The following COL16A1 variants were observed in gnomAD, a reference collection of about 807,000 sequenced individuals.
The protein encoded by COL16A1 is collagen type XVI alpha 1 chain, also known as collagen alpha-1(XVI) chain.
In COL16A1, 189 loss-of-function variants were observed where a neutral mutation model predicts 266.3. The ratio of observed to expected loss-of-function variants is 0.71; its 90% CI spans 0.63 to 0.80. The LOEUF is 0.80. Ranked by LOEUF, COL16A1 falls within the 30% of genes least tolerant of loss-of-function variation. The probability of loss-of-function intolerance (pLI) is 0.00; values close to 1 mark genes in which losing one functional copy is unlikely to be tolerated. For missense variants in COL16A1, 1,928 were observed against 2,122.4 expected, an observed-to-expected ratio of 0.91 and a Z score of 1.80; for synonymous variants, 740 against 782.3, an observed-to-expected ratio of 0.95 and a Z score of 0.90.
Position 31,665,885 on chromosome 1 carries a change from G to A in COL16A1, c.3453C>T (p.Asp1151=), listed in dbSNP as rs1196431197. 1 of 1,614,122 alleles carries A rather than the reference G, an allele frequency of 6.2e-7. No individual in the cohort carries two copies. Among genetic ancestry groups the A allele is most frequent in the Non-Finnish European group, 8.5e-7 (1 of 1,179,992 alleles). Residue 1151 remains aspartate, a synonymous_variant, in exon 54 of 71, where the codon GAC becomes GAT. Coordinates refer to ENST00000373672, the MANE Select transcript of COL16A1 (RefSeq NM_001856.4). ...GPQGNSGEKG[D]QGFQGQPGFP... ...CCAGGTCCCAGTCGTCACTCACCTGGTCGCCCTTCTCACCGGAGTTACCTT... is the reference window on the plus strand; with the variant it reads ...CCAGGTCCCAGTCGTCACTCACCTGATCGCCCTTCTCACCGGAGTTACCTT...
chr1:31,695,250 A>C, intron 10 of COL16A1, 29 bp from the exon 11 acceptor site: 1 of 1,613,236 alleles, frequency 6.2e-7, no homozygotes, highest in Non-Finnish European at 8.5e-7. Flanking sequence ...CGAAGAGGTC[A>C]ATTCTGAGCC....
chr1:31,667,346 G>A (rs184297032), intron 52 of COL16A1, among the ~76,000 whole-genome samples: 16 of 152,304 alleles, frequency 1.1e-4, no homozygotes, highest in Middle Eastern at 3.4e-3. Context: ...TGTAGGAGGC[G>A]GAGGAGTGCT....
intron 68 of COL16A1, among the ~76,000 whole-genome samples, 196 bp from the exon 69 acceptor site, chr1:31,654,239 G>A (rs1465313699): frequency 6.6e-6 from 1 of 152,184 alleles, no homozygotes; most frequent in African/African-American, 2.4e-5. Flanking sequence ...TCCCCATGGA[G>A]ATCCTTCCAA....
At chr1:31,659,264 C>A (rs1641436303) in intron 62 of COL16A1, among the ~76,000 whole-genome samples, 5 of 152,218 alleles carry the variant, frequency 3.3e-5, no homozygotes, top group Admixed American at 2.6e-4. Context: ...GGACAAAGGC[C>A]TGGGGGAGTT....
intron 48 of COL16A1, among the ~76,000 whole-genome samples, chr1:31,671,386 C>T (rs1379152025): frequency 2.6e-5 from 4 of 152,192 alleles, no homozygotes; most frequent in African/African-American, 9.7e-5. Context: ...CTCTGAGGAC[C>T]TCCCCTAAGC....
intron 36 of COL16A1, 79 bp from the exon 37 acceptor site, chr1:31,683,081 C>G: frequency 1.9e-6 from 3 of 1,609,796 alleles, no homozygotes; most frequent in Non-Finnish European, 2.5e-6. Context: ...CACATCTCAA[C>G]AGATCTTAGG....
In COL16A1 at chr1:31,695,639, T is replaced by C. The variant is rs943679166; in HGVS notation, c.945+122A>G. ...ACAGACAGGGCCCAGCATCAGGCCCTCAAGGAATGCCAGGAGCTGTGTAGT... is the reference window on the plus strand; with the variant it reads ...ACAGACAGGGCCCAGCATCAGGCCCCCAAGGAATGCCAGGAGCTGTGTAGT... On this transcript the variant is annotated intron_variant, in intron 10 of 70. Coordinates refer to ENST00000373672, the MANE Select transcript of COL16A1 (RefSeq NM_001856.4). 6 of 974,892 alleles carry C rather than the reference T, an allele frequency of 6.2e-6. No homozygotes were observed. The African/African-American group carries it at 9.7e-5, about 16-fold the overall frequency. The allele number at this position is 974,892 out of a possible 1,614,324, so 60.4% of individuals were successfully genotyped here. A position where few individuals can be genotyped will look rare whatever the true frequency, so the allele number is the denominator to read the frequency against.
At position 31,652,555 on chromosome 1, in the gene COL16A1, A is replaced by G; in HGVS notation, c.*96T>C. On this transcript the variant is annotated 3_prime_UTR_variant, in exon 71 of 71. Transcript: ENST00000373672. This position sits in a 1 kb window ranked among gnomAD's most constrained non-coding sequence, Gnocchi z 4.8. ...TTAACAGCAATTAAAAACAACAACAACAACAAAAAAAACATTCACAACCTG... is the reference window on the plus strand; with the variant it reads ...TTAACAGCAATTAAAAACAACAACAGCAACAAAAAAAACATTCACAACCTG... The G allele has an allele frequency of 3.3e-6, 4 of 1,209,120 alleles. No individual in the cohort carries two copies. The highest frequency in any genetic ancestry group is 4.4e-6 in the Non-Finnish European group (4 of 912,732). 74.9% of individuals were successfully genotyped at this position (1,209,120 alleles called of 1,614,324 possible).
chr1:31,695,730 T>A (rs1337199748), intron 10 of COL16A1, 31 bp downstream of exon 10: 2 of 1,610,616 alleles, frequency 1.2e-6, no homozygotes, highest in South Asian at 2.2e-5. Context: ...TGCTGGCACC[T>A]CCCCTGCTGC....
In COL16A1 at chr1:31,658,906, T is replaced by C; in HGVS notation, c.3930+8A>G. On this transcript the variant is annotated splice_region_variant and intron_variant, in intron 63 of 70. Coordinates refer to ENST00000373672, the MANE Select transcript of COL16A1 (RefSeq NM_001856.4). The stretch of plus-strand genomic sequence containing the variant: ...GGGAGGGAGGAAGGAGTGGAGCATG[T>C]TACTCACCACTGCAGAGATCCCAGC... 1.3e-6 allele frequency: 2 copies of C among 1,552,802 alleles called. No homozygotes were observed. The highest frequency in any genetic ancestry group is 1.7e-6 in the Non-Finnish European group (2 of 1,147,642).
At chr1:31,692,928 T>C in intron 13 of COL16A1, 120 bp from the exon 14 acceptor site, 1 of 1,075,300 alleles carries the variant, frequency 9.3e-7, no homozygotes, top group Non-Finnish European at 1.4e-6. Flanking sequence ...AAGGGGGGCT[T>C]CTACACCCAA....
chr1:31,680,238 T>G, intron 39 of COL16A1, 137 bp from the exon 40 acceptor site: 1 of 1,286,576 alleles, frequency 7.8e-7, no homozygotes, highest in Non-Finnish European at 1.1e-6. Flanking sequence ...TAATGTGCCC[T>G]TAGGCAACCT....
In COL16A1 at chr1:31,697,950, G is replaced by A. The variant is rs757044116; in HGVS notation, c.613C>T (p.His205Tyr). 9 of 1,613,014 alleles carry A rather than the reference G, an allele frequency of 5.6e-6. No individual in the cohort carries two copies. Among genetic ancestry groups the A allele is most frequent in the African/African-American group, 1.3e-5 (1 of 74,818 alleles). Residue 205 changes from histidine (H) to tyrosine (Y), a missense_variant, in exon 6 of 71, where the codon CAT becomes TAT. His to Tyr is a moderately conservative substitution (Grantham distance 83). Coordinates refer to ENST00000373672, the MANE Select transcript of COL16A1 (RefSeq NM_001856.4). This position sits in a 1 kb window ranked among gnomAD's most constrained non-coding sequence, Gnocchi z 4.2. ...TCAGCATCCAAGCCTAGAAATACAT[G>A]GCCCACAGGCCTCATGGGTCGTCGG... Reference protein sequence around the residue: ...GPRRPMRPVGHVFLGLDAEQG... With the variant: ...GPRRPMRPVGYVFLGLDAEQG...
Position 31,667,636 on chromosome 1 carries a change from G to A in COL16A1, c.3304-8C>T, listed in dbSNP as rs375144162. 7.1e-4 allele frequency: 1,145 copies of A among 1,603,854 alleles called. 18 individuals are homozygous for A. In the South Asian group the frequency reaches 0.012, roughly 17 times the overall value. ...ACGCTCCCCCTTGATGCCCTGACAA[G>A]TGGCAAAGAGACAGTGGAATTAGCC... is the stretch of plus-strand genomic sequence containing the variant. On this transcript the variant is annotated splice_region_variant and splice_polypyrimidine_tract_variant and intron_variant, in intron 51 of 70. Transcript: ENST00000373672.
chr1:31,686,118 C>T lies in COL16A1; in HGVS notation c.1857G>A (p.Val619=). ...PAGSPGPPGP[V]GPAGIKGAKG... is the part of the protein sequence containing the mutation. ...TCGCCCCTTTGATGCCTGCTGGCCC[C>T]ACTGGTCCTGGTGGCCCCTGCATGT... is the stretch of plus-strand genomic sequence containing the variant. Residue 619 remains valine, a synonymous_variant, in exon 28 of 71, where the codon GTG becomes GTA. Coordinates refer to ENST00000373672, the MANE Select transcript of COL16A1 (RefSeq NM_001856.4). 1 of 1,614,122 alleles carries T rather than the reference C, an allele frequency of 6.2e-7. No homozygotes were observed. The highest frequency in any genetic ancestry group is 8.5e-7 in the Non-Finnish European group (1 of 1,180,036).
intron 58 of COL16A1, 126 bp from the exon 59 acceptor site, chr1:31,661,830 T>C: frequency 9.6e-7 from 1 of 1,038,270 alleles, no homozygotes; most frequent in South Asian, 1.7e-5. Flanking sequence ...AATCCAAGCC[T>C]GGCTCAGCCT....
intron 34 of COL16A1, among the ~76,000 whole-genome samples, 168 bp from the exon 35 acceptor site, chr1:31,683,537 C>T (rs1303029352): frequency 6.6e-6 from 1 of 152,230 alleles, no homozygotes; most frequent in African/African-American, 2.4e-5. Context: ...AAAGGCAAGT[C>T]CCTGACAGAA....
chr1:31,664,585 G>C lies in COL16A1; in HGVS notation c.3555+587C>G, dbSNP rs1289668438. On this transcript the variant is annotated intron_variant, in intron 56 of 70. Transcript: ENST00000373672. The surrounding 1 kb of genome is among the most constrained non-coding windows in gnomAD (Gnocchi z 5.5). ...CAGCCCCAAGCCAAGGCAGAGCCAT[G>C]TCTCCAGCATTTATCAAGCCAAAGT... is the stretch of plus-strand genomic sequence containing the variant. Among the ~76,000 whole-genome samples, 1 of 152,218 alleles carries C rather than the reference G, an allele frequency of 6.6e-6. No individual in the cohort carries two copies. The highest frequency in any genetic ancestry group is 1.5e-5 in the Non-Finnish European group (1 of 68,032).
Position 31,698,355 on chromosome 1 carries a change from G to T in COL16A1, c.390+128C>A. The T allele has an allele frequency of 2.6e-6, 4 of 1,533,458 alleles. No individual in the cohort carries two copies. Among genetic ancestry groups the T allele is most frequent in the Non-Finnish European group, 3.5e-6 (4 of 1,134,228 alleles). 95.0% of individuals were successfully genotyped at this position (1,533,458 alleles called of 1,614,324 possible). On this transcript the variant is annotated intron_variant, in intron 5 of 70. Coordinates refer to ENST00000373672, the MANE Select transcript of COL16A1 (RefSeq NM_001856.4). This position sits in a 1 kb window ranked among gnomAD's most constrained non-coding sequence, Gnocchi z 4.1. The stretch of plus-strand genomic sequence containing the variant: ...AATGAGGTAGGTACTGGTGGGCTGG[G>T]GACAGGCTTGAGGGTAGGCACAGGA...
Sources: gnomAD v4.1 joint callset for allele counts (sites outside exome capture counted in the v4.1 genomes callset) on GRCh38, gnomAD v4.1.1 for gene constraint, Gnocchi (gnomAD v3.1) non-coding constraint, MANE v1.5 for transcripts, NCBI Gene and HGNC (gene_info 2026-07-23, HGNC 2026-07-21) for gene names.